Variants in BANP observed in about 807,000 individuals in gnomAD.
The protein encoded by BANP is BTG3 associated nuclear protein, also known as protein BANP.
BANP carries 11 observed loss-of-function variants against 68.1 expected under a neutral mutation model. That is an observed-to-expected ratio of 0.16 (90% CI 0.10 to 0.27). The LOEUF is 0.27. BANP is among the 10% of genes least tolerant of loss of function. BANP has a pLI of 1.00. For synonymous variants in BANP, 329 were observed against 303.2 expected (o/e 1.09, Z -0.88); for missense variants, 504 against 722.7 (o/e 0.70, Z 3.47).
chr16:88,055,084 C>T (rs192791079), intron 11 of BANP, among the ~76,000 whole-genome samples: 22 of 151,140 alleles, frequency 1.5e-4, no homozygotes, highest in Admixed American at 7.2e-4. Flanking sequence ...GTTTCTAGTA[C>T]GTGTGTATTT....
chr16:88,037,230 T>G (rs1219673277), intron 10 of BANP: 1 of 152,260 alleles, frequency 6.6e-6, no homozygotes, highest in East Asian at 1.9e-4. Flanking sequence ...TTTCAATTTT[T>G]TATTATTAGT....
rs2076909058 is a variant in BANP at position 88,025,964 on chromosome 16, A to G, written c.896-1519A>G. The stretch of plus-strand genomic sequence containing the variant: ...GAAGAGCCCTTCCCATCATGCCCAC[A>G]TTCGTCATCGCTACAGGGATGGGGT... On this transcript the variant is annotated intron_variant, in intron 7 of 13. Coordinates refer to ENST00000682872, the MANE Select transcript of BANP (RefSeq NM_001386991.1). 3.9e-5 allele frequency among the ~76,000 whole-genome samples: 6 copies of G among 152,200 alleles called. No individual in the cohort carries two copies. The South Asian group carries it at 1.2e-3, about 32-fold the overall frequency.
chr16:87,970,137 C>T (rs955228253), intron 1 of BANP: 6 of 152,190 alleles, frequency 3.9e-5, no homozygotes, highest in Admixed American at 6.5e-5. Flanking sequence ...GTGATCCACC[C>T]GCCTTGGCCT....
At chr16:87,982,709 T>G (rs2063513779) in intron 3 of BANP, 1 of 152,214 alleles carries the variant, frequency 6.6e-6, no homozygotes, top group Non-Finnish European at 1.5e-5. Flanking sequence ...CAGCGCCCAG[T>G]GGTGAATCTT....
At chr16:88,050,458 C>A (rs1004242468) in intron 11 of BANP, among the ~76,000 whole-genome samples, 1 of 152,144 alleles carries the variant, frequency 6.6e-6, no homozygotes, top group African/African-American at 2.4e-5. Context: ...GCCCAGCCGA[C>A]AAGATGGTTT....
chr16:88,006,761 G>A (rs2071283463), intron 6 of BANP, among the ~76,000 whole-genome samples: 1 of 151,528 alleles, frequency 6.6e-6, no homozygotes, highest in Non-Finnish European at 1.5e-5. Flanking sequence ...AGACCAGCCT[G>A]GCCAAAATGG....
At chr16:88,031,807 C>G (rs1446977910) in intron 8 of BANP, among the ~76,000 whole-genome samples, 2 of 141,122 alleles carry the variant, frequency 1.4e-5, no homozygotes, top group Admixed American at 1.4e-4. Flanking sequence ...CCTCCCCTCT[C>G]TTGCCCCTCC....
intron 4 of BANP, among the ~76,000 whole-genome samples, chr16:87,992,887 G>T (rs2066248288): frequency 6.6e-6 from 1 of 152,146 alleles, no homozygotes; most frequent in African/African-American, 2.4e-5. Flanking sequence ...TCTAGAGTGT[G>T]TCCGCACACT....
intron 9 of BANP, among the ~76,000 whole-genome samples, chr16:88,033,616 G>A (rs1393420681): frequency 6.6e-6 from 1 of 152,216 alleles, no homozygotes; most frequent in Non-Finnish European, 1.5e-5. Context: ...AAGTGCAGGC[G>A]CTCTCTTACT....
intron 1 of BANP, among the ~76,000 whole-genome samples, chr16:87,973,908 G>A (rs1261878953): frequency 6.6e-6 from 1 of 152,134 alleles, no homozygotes; most frequent in Non-Finnish European, 1.5e-5. Flanking sequence ...CATTCCTGTT[G>A]GGACTTATCC....
chr16:88,072,719 G>T (rs1490150151), intron 13 of BANP, among the ~76,000 whole-genome samples: 1 of 152,242 alleles, frequency 6.6e-6, no homozygotes, highest in East Asian at 1.9e-4. Flanking sequence ...AGCCCCCGAG[G>T]GTGAGGCCGT....
At chr16:88,020,425 C>G (rs370312246) in intron 7 of BANP, among the ~76,000 whole-genome samples, 1 of 152,222 alleles carries the variant, frequency 6.6e-6, no homozygotes, top group Non-Finnish European at 1.5e-5. Flanking sequence ...GGGGTTGCTT[C>G]GTGCTGGTGC....
upstream of BANP, among the ~76,000 whole-genome samples, chr16:87,950,040 G>A (rs1012095543): frequency 3.3e-5 from 5 of 152,044 alleles, no homozygotes; most frequent in Admixed American, 3.3e-4. Flanking sequence ...ACCGCGCCGG[G>A]CTAATTTTTT....
chr16:87,979,049 G>T (rs1176428889), intron 2 of BANP, among the ~76,000 whole-genome samples: 3 of 152,298 alleles, frequency 2.0e-5, no homozygotes, highest in Non-Finnish European at 2.9e-5. Flanking sequence ...GATCGGATTT[G>T]ACTGCTTTTG....
chr16:88,036,559 A>G lies in BANP; in HGVS notation c.1272+1165A>G, dbSNP rs2079412856. On this transcript the variant is annotated intron_variant, in intron 10 of 13. Coordinates refer to ENST00000682872, the MANE Select transcript of BANP (RefSeq NM_001386991.1). The surrounding 1 kb of genome is among the most constrained non-coding windows in gnomAD (Gnocchi z 4.2). ...TCTGCTGGCAGTGGCTTTAATTTGGACACCAGCAGTTCCCGGTGGGTTATC... is the reference window on the plus strand; with the variant it reads ...TCTGCTGGCAGTGGCTTTAATTTGGGCACCAGCAGTTCCCGGTGGGTTATC... Among the ~76,000 whole-genome samples the G allele has an allele frequency of 6.6e-6, 1 of 151,954 alleles. No individual in the cohort carries two copies. The highest frequency in any genetic ancestry group is 6.6e-5 in the Admixed American group (1 of 15,260).
rs768472728 is a variant in BANP at position 88,006,226 on chromosome 16, A to G, written c.616A>G (p.Ile206Val). 2.5e-6 allele frequency: 4 copies of G among 1,612,428 alleles called. No individual in the cohort carries two copies. The highest frequency in any genetic ancestry group is 2.5e-6 in the Non-Finnish European group (3 of 1,179,320). ...CTGTGGGCAGGCGGGCAGTCAGAGC[A>G]TCGGGAGCAACGTCACGCTCATCAC... ...SSCGQAGSQS[I>V]GSNVTLITLN... Residue 206 changes from isoleucine to valine, a missense_variant, in exon 6 of 14, where the codon ATC becomes GTC. By Grantham distance (29) the Ile-to-Val change is conservative (BLOSUM62 3). Around this residue, in one of 3 missense-constraint regions of BANP, gnomAD observed 238 missense variants for 278.9 expected, o/e 0.85. Transcript: ENST00000682872.
At chr16:88,041,287 T>C (rs934654493) in intron 11 of BANP, among the ~76,000 whole-genome samples, 1 of 152,120 alleles carries the variant, frequency 6.6e-6, no homozygotes, top group African/African-American at 2.4e-5. Context: ...GGGCGACGGG[T>C]TTGAGGCCAC....
At chr16:88,053,356 C>G (rs1214137600) in intron 11 of BANP, among the ~76,000 whole-genome samples, 11 of 149,818 alleles carry the variant, frequency 7.3e-5, no homozygotes, top group Non-Finnish European at 1.5e-4. Flanking sequence ...CACAACCACC[C>G]TAACAGCCAC....
In BANP at chr16:88,074,685, G is replaced by A. The variant is rs191345644; in HGVS notation, c.1522-1905G>A. ...GGGGAAGGGGCTTTGCATCCCAGGC[G>A]GTGGCCCCCCTACCCCAACCTCCCA... On this transcript the variant is annotated intron_variant, in intron 13 of 13. Coordinates refer to ENST00000682872, the MANE Select transcript of BANP (RefSeq NM_001386991.1). 5.5e-4 allele frequency among the ~76,000 whole-genome samples: 84 copies of A among 151,918 alleles called. 1 individual carries two copies. Among genetic ancestry groups the A allele is most frequent in the Admixed American group, 5.4e-3 (83 of 15,288 alleles).
Sources: allele counts gnomAD v4.1 joint callset (sites outside exome capture counted in the v4.1 genomes callset), GRCh38; gene constraint gnomAD v4.1.1; regional missense constraint gnomAD v4.1.1; non-coding constraint Gnocchi (gnomAD v3.1); transcripts MANE v1.5; gene names NCBI Gene and HGNC (gene_info 2026-07-23, HGNC 2026-07-21).